The following CSMD1 variants were observed in gnomAD, a reference collection of about 807,000 sequenced individuals.
CSMD1 encodes the protein CUB and sushi domain-containing protein 1.
In CSMD1, 213 loss-of-function variants were observed where a neutral mutation model predicts 417.5. The ratio of observed to expected loss-of-function variants is 0.51; its 90% CI spans 0.46 to 0.57. The LOEUF (loss-of-function observed/expected upper bound fraction) is 0.57, where lower values mean the gene tolerates loss of function less well. CSMD1 is among the 20% of genes least tolerant of loss of function. The pLI is 0.00. For synonymous variants in CSMD1, 2,862 were observed against 1,736.8 expected, an observed-to-expected ratio of 1.65 and a Z score of -16.11; for missense variants, 6,923 against 4,529.7, an observed-to-expected ratio of 1.53 and a Z score of -15.17.
intron 5 of CSMD1, among the ~76,000 whole-genome samples, chr8:3,768,979 G>A (rs953870724): frequency 9.9e-5 from 15 of 152,228 alleles, no homozygotes; most frequent in Admixed American, 7.2e-4. Flanking sequence ...AAGGCCTGGC[G>A]GATTCCCGCA....
chr8:4,345,337 T>C (rs1028454741), intron 3 of CSMD1, among the ~76,000 whole-genome samples: 39 of 152,164 alleles, frequency 2.6e-4, no homozygotes, highest in African/African-American at 8.9e-4. Flanking sequence ...TTTTCCTTGC[T>C]TGGTTTCCAA....
intron 7 of CSMD1, among the ~76,000 whole-genome samples, chr8:3,703,096 C>T (rs1318905199): frequency 6.6e-6 from 1 of 152,116 alleles, no homozygotes; most frequent in Non-Finnish European, 1.5e-5. Context: ...TAATGACTAT[C>T]TTAATATCTT....
In CSMD1 at chr8:3,869,829, A is replaced by C. The variant is rs148495983; in HGVS notation, c.819-115787T>G. The stretch of plus-strand genomic sequence containing the variant: ...CAGATTTCCGTATCAACTGCCACTT[A>C]ATAATCACATTCCATGCTTTTATGA... On this transcript the variant is annotated intron_variant, in intron 5 of 69. Coordinates refer to ENST00000635120, the MANE Select transcript of CSMD1 (RefSeq NM_033225.6). 3.2e-4 allele frequency among the ~76,000 whole-genome samples: 48 copies of C among 152,116 alleles called. No homozygotes were observed. The East Asian group carries it at 8.9e-3, about 28-fold the overall frequency.
chr8:4,632,632 T>C (rs1459448109), intron 2 of CSMD1, among the ~76,000 whole-genome samples: 3 of 152,198 alleles, frequency 2.0e-5, no homozygotes, highest in South Asian at 4.1e-4. Flanking sequence ...TGTACAAAGA[T>C]ATACAAGCCC....
intron 3 of CSMD1, among the ~76,000 whole-genome samples, chr8:4,206,063 C>A (rs574150154): frequency 1.3e-5 from 2 of 152,222 alleles, no homozygotes; most frequent in South Asian, 4.1e-4. Context: ...TGGATCCATT[C>A]TTCCCAATTC....
chr8:3,957,755 A>C (rs1234779152), intron 5 of CSMD1, among the ~76,000 whole-genome samples: 1 of 152,138 alleles, frequency 6.6e-6, no homozygotes, highest in African/African-American at 2.4e-5. Flanking sequence ...AAAAAAGAAA[A>C]GTATGAATAT....
chr8:3,904,571 T>G (rs182475826), intron 5 of CSMD1, among the ~76,000 whole-genome samples: 7 of 152,248 alleles, frequency 4.6e-5, no homozygotes, highest in South Asian at 2.1e-4. Flanking sequence ...TTTGGAGAGT[T>G]GGGAATTAAA....
chr8:4,850,999 G>T (rs1414122458), intron 1 of CSMD1, among the ~76,000 whole-genome samples: 2 of 151,220 alleles, frequency 1.3e-5, no homozygotes. Context: ...TGCACAAAGT[G>T]CAGGTTAGTT....
intron 51 of CSMD1, among the ~76,000 whole-genome samples, 184 bp downstream of exon 51, chr8:3,029,135 G>A (rs1271635918): frequency 6.6e-6 from 1 of 152,022 alleles, no homozygotes; most frequent in Non-Finnish European, 1.5e-5. Context: ...GAGCAGCAAT[G>A]TGGTTTAAGT....
intron 23 of CSMD1, among the ~76,000 whole-genome samples, chr8:3,310,922 C>T (rs181012111): frequency 2.6e-4 from 39 of 152,198 alleles, no homozygotes; most frequent in East Asian, 5.8e-4. Flanking sequence ...GAATATTGCA[C>T]GTAATGCTTC....
intron 3 of CSMD1, among the ~76,000 whole-genome samples, chr8:4,355,896 G>T (rs1444902041): frequency 4.0e-5 from 6 of 151,562 alleles, no homozygotes; most frequent in African/African-American, 1.4e-4. Context: ...CAGCGCAGGT[G>T]AGTCTCATGA....
intron 7 of CSMD1, among the ~76,000 whole-genome samples, chr8:3,662,293 A>G (rs1037004333): frequency 1.3e-5 from 2 of 152,212 alleles, no homozygotes; most frequent in Admixed American, 1.3e-4. Flanking sequence ...GTCACTAGTG[A>G]GTAAAATGAA....
At chr8:4,263,088 T>A (rs2128843401) in intron 3 of CSMD1, among the ~76,000 whole-genome samples, 1 of 152,270 alleles carries the variant, frequency 6.6e-6, no homozygotes, top group African/African-American at 2.4e-5. Context: ...ATATATTAAT[T>A]TTCATTTAAA....
chr8:4,845,072 A>G (rs1463130440), intron 1 of CSMD1, among the ~76,000 whole-genome samples: 1 of 151,928 alleles, frequency 6.6e-6, no homozygotes, highest in Non-Finnish European at 1.5e-5. Context: ...AAAACTATCT[A>G]TCTAATTTTC....
At chr8:3,947,393 G>A (rs1026724601) in intron 5 of CSMD1, among the ~76,000 whole-genome samples, 4 of 152,126 alleles carry the variant, frequency 2.6e-5, no homozygotes, top group African/African-American at 7.2e-5. Flanking sequence ...TGGTCATGAC[G>A]TGCTATCCTT....
Position 3,582,500 on chromosome 8 carries a change from C to T in CSMD1, c.1222+3636G>A, listed in dbSNP as rs7012768. 8.2e-3 allele frequency among the ~76,000 whole-genome samples: 1,254 copies of T among 152,238 alleles called. 22 individuals carry two copies. Among genetic ancestry groups the T allele is most frequent in the African/African-American group, 0.029 (1,201 of 41,530 alleles). On this transcript the variant is annotated intron_variant, in intron 9 of 69. Coordinates refer to ENST00000635120, the MANE Select transcript of CSMD1 (RefSeq NM_033225.6). The stretch of plus-strand genomic sequence containing the variant: ...GCACAACTCACTGGGCTCATTTCTC[C>T]TCTTCACAACTACAAGGGTGTTGAT...
At chr8:4,982,292 T>A (rs905223638) in intron 1 of CSMD1, among the ~76,000 whole-genome samples, 9 of 152,224 alleles carry the variant, frequency 5.9e-5, no homozygotes, top group African/African-American at 2.2e-4. Flanking sequence ...CAAAAAGTAT[T>A]CAAATGGGAG....
chr8:3,791,749 G>A, intron 5 of CSMD1, among the ~76,000 whole-genome samples: 1 of 152,132 alleles, frequency 6.6e-6, no homozygotes, highest in Non-Finnish European at 1.5e-5. Context: ...CTTGAGCCTG[G>A]GAGGTGGAAG....
intron 3 of CSMD1, among the ~76,000 whole-genome samples, chr8:4,371,849 G>A (rs900032090): frequency 3.3e-5 from 5 of 152,186 alleles, no homozygotes; most frequent in African/African-American, 2.4e-5. Flanking sequence ...AAACTGAATT[G>A]ATCAAAATAA....
Sources: allele counts gnomAD v4.1 joint callset (sites outside exome capture counted in the v4.1 genomes callset), GRCh38; gene constraint gnomAD v4.1.1; transcripts MANE v1.5; gene names NCBI Gene and HGNC (gene_info 2026-07-23, HGNC 2026-07-21).